ARSG: variants seen among roughly 807,000 people sequenced by gnomAD.
ARSG encodes ASG.
A neutral mutation model predicts 50.5 loss-of-function variants in ARSG; 37 were observed. That is an observed-to-expected ratio of 0.73 (90% confidence interval 0.56 to 0.96). ARSG has a LOEUF of 0.96. Among genes scored for constraint, ARSG ranks in the 50% least tolerant of loss-of-function variants. The pLI is 0.00. For missense variants in ARSG, 629 were observed against 675.3 expected, an observed-to-expected ratio of 0.93 and a Z score of 0.76; for synonymous variants, 225 against 254.6, an observed-to-expected ratio of 0.88 and a Z score of 1.11.
chr17:68,263,360 C>G (rs1231546684), intron 1 of ARSG, among the ~76,000 whole-genome samples: 2 of 152,218 alleles, frequency 1.3e-5, no homozygotes, highest in African/African-American at 2.4e-5. Flanking sequence ...AATCTGAAAA[C>G]AAGGGCAGCT....
At chr17:68,330,215 A>G (rs1053894866) in intron 2 of ARSG, among the ~76,000 whole-genome samples, 23 of 152,256 alleles carry the variant, frequency 1.5e-4, no homozygotes, top group Middle Eastern at 3.4e-3. Context: ...ATCTCAAAAA[A>G]AAAAAGAAAA....
rs1260588047 is a variant in ARSG, at chr17:68,303,207, C to G, written c.-551-3736C>G. 2.0e-5 allele frequency among the ~76,000 whole-genome samples: 3 copies of G among 152,194 alleles called. No individual in the cohort carries two copies. In the East Asian group the frequency reaches 5.8e-4, roughly 29 times the overall value. On this transcript the variant is annotated intron_variant, in intron 1 of 11. Transcript: ENST00000621439. ...TGGCACCATCATAGCTCGCCACAGCCTTGAACTCCTGGGCTCCAGTGGTCC... is the reference window on the plus strand; with the variant it reads ...TGGCACCATCATAGCTCGCCACAGCGTTGAACTCCTGGGCTCCAGTGGTCC...
At position 68,291,536 on chromosome 17, in the gene ARSG, C is replaced by G. The variant is rs1174383053; in HGVS notation, c.-584C>G. ...CTGAGCCGCGCCGGTCGCGCGCCCGCCAGCCTGCCGCCTGGGCTGGGGGTC... is the reference window on the plus strand; with the variant it reads ...CTGAGCCGCGCCGGTCGCGCGCCCGGCAGCCTGCCGCCTGGGCTGGGGGTC... On this transcript the variant is annotated 5_prime_UTR_variant, in exon 1 of 12. Transcript: ENST00000621439. 6.6e-6 allele frequency: 1 copy of G among 150,750 alleles called. No individual in the cohort carries two copies. The highest frequency in any genetic ancestry group is 1.5e-5 in the Non-Finnish European group (1 of 67,578). 9.3% of individuals were successfully genotyped at this position (150,750 alleles called of 1,614,324 possible).
At chr17:68,302,247 G>A (rs2076447615) in intron 1 of ARSG, among the ~76,000 whole-genome samples, 1 of 152,112 alleles carries the variant, frequency 6.6e-6, no homozygotes, top group African/African-American at 2.4e-5. Context: ...ACCATGTTCT[G>A]ATCTGGGGAG....
chr17:68,291,865 G>A lies in ARSG; in HGVS notation c.-552+297G>A, dbSNP rs374558256. Among the ~76,000 whole-genome samples the A allele has an allele frequency of 1.1e-4, 16 of 151,956 alleles. No individual in the cohort carries two copies. The East Asian group carries it at 3.1e-3, about 30-fold the overall frequency. ...CGCGCCCTGAGGATTTAGGGATTTA[G>A]CGGCGAGGGGGAACACGCGCGCGCC... is the stretch of plus-strand genomic sequence containing the variant. On this transcript the variant is annotated intron_variant, in intron 1 of 11. Coordinates refer to ENST00000621439, the MANE Select transcript of ARSG (RefSeq NM_001267727.2).
intron 2 of ARSG, among the ~76,000 whole-genome samples, chr17:68,340,016 G>A (rs975364373): frequency 3.9e-5 from 6 of 152,138 alleles, no homozygotes; most frequent in African/African-American, 1.4e-4. Flanking sequence ...TGGAGGTGGG[G>A]TTGCAAAAAT....
intron 2 of ARSG, among the ~76,000 whole-genome samples, chr17:68,324,145 T>C (rs2077407923): frequency 1.3e-5 from 2 of 152,104 alleles, no homozygotes; most frequent in African/African-American, 4.8e-5. Flanking sequence ...AAGGACTTTT[T>C]TGATGCTCCA....
intron 2 of ARSG, among the ~76,000 whole-genome samples, chr17:68,314,187 G>C (rs2076979448): frequency 6.6e-6 from 1 of 151,968 alleles, no homozygotes; most frequent in Non-Finnish European, 1.5e-5. Flanking sequence ...CTGTAAGTGG[G>C]GACAATGATA....
chr17:68,306,104 G>T (rs1425428231), intron 1 of ARSG, among the ~76,000 whole-genome samples: 1 of 151,966 alleles, frequency 6.6e-6, no homozygotes, highest in South Asian at 2.1e-4. Flanking sequence ...CTGGGTTCAA[G>T]CGATTCTCTT....
At chr17:68,429,432 A>G in the ARSG span, among the ~76,000 whole-genome samples, 1 of 152,210 alleles carries the variant, frequency 6.6e-6, no homozygotes, top group East Asian at 1.9e-4. Context: ...GGCTTTTTAC[A>G]TAATTACATA....
At chr17:68,344,475 C>A (rs911323321) in intron 3 of ARSG, among the ~76,000 whole-genome samples, 1 of 152,232 alleles carries the variant, frequency 6.6e-6, no homozygotes, top group African/African-American at 2.4e-5. Flanking sequence ...TTTTTTTAGG[C>A]ATCTCTTACT....
At chr17:68,267,648 G>T (rs1419962436) in intron 1 of ARSG, 1 of 152,072 alleles carries the variant, frequency 6.6e-6, no homozygotes, top group South Asian at 2.1e-4. Context: ...GTGAGATTGT[G>T]GTAAAATAGG....
At chr17:68,259,827 T>G (rs112985402) in intron 1 of ARSG, among the ~76,000 whole-genome samples, 2 of 152,218 alleles carry the variant, frequency 1.3e-5, no homozygotes, top group Non-Finnish European at 2.9e-5. Flanking sequence ...AGTGCAGCTC[T>G]AGACCAGTAC....
In ARSG at chr17:68,307,759, C is replaced by T. The variant is rs782378646; in HGVS notation, c.218+48C>T. 2.5e-5 allele frequency: 26 copies of T among 1,049,488 alleles called. No individual in the cohort carries two copies. In the Middle Eastern group the frequency reaches 1.2e-3, roughly 47 times the overall value. 65.0% of individuals were successfully genotyped at this position (1,049,488 alleles called of 1,614,324 possible). A position where few individuals can be genotyped will look rare whatever the true frequency, so the allele number is the denominator to read the frequency against. ...AGCCTTTCTTTGGATGTCTTACTCC[C>T]GTTCTTGAGAGGGGAAGGGGCCGTG... On this transcript the variant is annotated intron_variant, in intron 2 of 11. Transcript: ENST00000621439.
chr17:68,351,527 A>G (rs765637723), intron 4 of ARSG, 48 bp from the exon 5 acceptor site: 2 of 1,010,466 alleles, frequency 2.0e-6, no homozygotes, highest in South Asian at 1.3e-5. Flanking sequence ...AGGCAAGCAC[A>G]TGGAGTCGCA....
At position 68,376,276 on chromosome 17, in the gene ARSG, C is replaced by CGTTTTTTT. The variant is rs149045241; in HGVS notation, c.982+5752_982+5753insGTTTTTTT. Among the ~76,000 whole-genome samples the CGTTTTTTT allele has an allele frequency of 2.3e-4, 30 of 131,962 alleles. 6 individuals are homozygous for CGTTTTTTT. The highest frequency in any genetic ancestry group is 2.2e-4 in the Non-Finnish European group (14 of 63,696). 86.6% of individuals were successfully genotyped at this position (131,962 alleles called of 152,430 possible). ...CAGGAGTGTGCCACTGCGCCCCCTG[C>CGTTTTTTT]ATTTTTTTTTTTTTTTCTGAGATAG... is the stretch of plus-strand genomic sequence containing the variant. On this transcript the variant is annotated intron_variant, in intron 8 of 11. Coordinates refer to ENST00000621439, the MANE Select transcript of ARSG (RefSeq NM_001267727.2).
At chr17:68,417,733 A>ATTTTTTTTTTTTTTT (rs770292731) in intron 11 of ARSG, among the ~76,000 whole-genome samples, 2 of 60,832 alleles carry the variant, frequency 3.3e-5, no homozygotes, top group African/African-American at 6.2e-5. Context: ...GAGTTGCTGA[A>ATTTTTTTTTTTTTTT]TTTTTTTTTT....
intron 4 of ARSG, among the ~76,000 whole-genome samples, chr17:68,347,840 C>T (rs984960333): frequency 1.3e-5 from 2 of 152,120 alleles, no homozygotes; most frequent in African/African-American, 4.8e-5. Context: ...TGTCCCTGGC[C>T]CCTTCCTCTT....
At chr17:68,278,261 A>T in intron 1 of ARSG, 1 of 1,614,184 alleles carries the variant, frequency 6.2e-7, no homozygotes, top group Non-Finnish European at 8.5e-7. Flanking sequence ...CCCATCCTCC[A>T]TCAGGCACTT....
Sources: gnomAD v4.1 joint callset for allele counts (sites outside exome capture counted in the v4.1 genomes callset) on GRCh38, gnomAD v4.1.1 for gene constraint, MANE v1.5 for transcripts, NCBI Gene and HGNC (gene_info 2026-07-23, HGNC 2026-07-21) for gene names.